The following GRIA1 variants were observed in gnomAD, a reference collection of about 807,000 sequenced individuals.
The protein encoded by GRIA1 is glutamate ionotropic receptor AMPA type subunit 1.
Under a neutral mutation model 99.2 loss-of-function variants are expected in GRIA1, and 31 were observed. That is an observed-to-expected ratio of 0.31 (90% CI 0.23 to 0.42). The LOEUF (loss-of-function observed/expected upper bound fraction) is 0.42. Among genes scored for constraint, GRIA1 ranks in the 10% least tolerant of loss-of-function variants. The pLI is 1.00. For missense variants in GRIA1, 782 were observed against 1,157.5 expected (o/e 0.68, Z 4.71); for synonymous variants, 438 against 432.4 (o/e 1.01, Z -0.16).
At chr5:153,642,420 A>G (rs1205092668) in intron 2 of GRIA1, among the ~76,000 whole-genome samples, 2 of 152,096 alleles carry the variant, frequency 1.3e-5, no homozygotes, top group Non-Finnish European at 2.9e-5. Context: ...TCAGCTCTTA[A>G]TTATTACTAT....
intron 7 of GRIA1, among the ~76,000 whole-genome samples, chr5:153,679,461 A>G (rs937459361): frequency 2.6e-5 from 4 of 152,192 alleles, no homozygotes; most frequent in African/African-American, 4.8e-5. Context: ...GCAAATCCAG[A>G]GTGGGCAGTG....
chr5:153,599,583 A>G (rs1164204189), intron 2 of GRIA1, among the ~76,000 whole-genome samples: 2 of 152,238 alleles, frequency 1.3e-5, no homozygotes, highest in Admixed American at 6.5e-5. Context: ...AATACTATGT[A>G]AATAGCTGCC....
At chr5:153,657,371 A>G (rs1453202055) in intron 5 of GRIA1, among the ~76,000 whole-genome samples, 1 of 152,196 alleles carries the variant, frequency 6.6e-6, no homozygotes, top group African/African-American at 2.4e-5. Context: ...CTATTTCTAC[A>G]GTTTATTATC....
At chr5:153,747,880 A>G (rs760210779) in intron 11 of GRIA1, among the ~76,000 whole-genome samples, 23 of 152,224 alleles carry the variant, frequency 1.5e-4, no homozygotes, top group Middle Eastern at 3.2e-3. Context: ...TGTGGGTCAC[A>G]TCTCTTCTAT....
chr5:153,575,725 C>G (rs1323958307), intron 2 of GRIA1, among the ~76,000 whole-genome samples: 1 of 152,174 alleles, frequency 6.6e-6, no homozygotes, highest in Non-Finnish European at 1.5e-5. Context: ...GATCTGGACC[C>G]AAAGACTTTC....
intron 2 of GRIA1, among the ~76,000 whole-genome samples, chr5:153,554,422 C>T (rs6580023): frequency 6.6e-6 from 1 of 152,038 alleles, no homozygotes. Flanking sequence ...TGACTGTCCA[C>T]GTCCCACTCC....
intron 2 of GRIA1, among the ~76,000 whole-genome samples, chr5:153,506,361 T>TGTGTGTA (rs1755504987): frequency 9.8e-6 from 1 of 101,816 alleles, no homozygotes; most frequent in Non-Finnish European, 2.0e-5. Context: ...GTGTGTGTGT[T>TGTGTGTA]CATACATATA....
In GRIA1 at chr5:153,677,101, T is replaced by C. The variant is rs1467907475; in HGVS notation, c.969T>C (p.Cys323=). Residue 323 remains cysteine, a synonymous_variant, in exon 7 of 16, where the codon TGT becomes TGC. Coordinates refer to ENST00000285900, the MANE Select transcript of GRIA1 (RefSeq NM_000827.4). ...CTCGCCGGGGGAATGCTGGGGATTGTCTGGCTAACCCAGCTGTTCCCTGGG... is the reference window on the plus strand; with the variant it reads ...CTCGCCGGGGGAATGCTGGGGATTGCCTGGCTAACCCAGCTGTTCCCTGGG... ...DISRRGNAGD[C]LANPAVPWGQ... is the part of the protein sequence containing the mutation. 6.3e-7 allele frequency: 1 copy of C among 1,584,382 alleles called. No homozygotes were observed. Among genetic ancestry groups the C allele is most frequent in the Admixed American group, 1.7e-5 (1 of 57,318 alleles).
intron 12 of GRIA1, among the ~76,000 whole-genome samples, chr5:153,768,171 T>A (rs1452079611): frequency 6.6e-6 from 1 of 152,196 alleles, no homozygotes; most frequent in Non-Finnish European, 1.5e-5. Flanking sequence ...GAATATTAAA[T>A]ACATTGGCAG....
At chr5:153,526,327 C>A (rs1006928476) in intron 2 of GRIA1, among the ~76,000 whole-genome samples, 3 of 152,142 alleles carry the variant, frequency 2.0e-5, no homozygotes, top group Non-Finnish European at 4.4e-5. Flanking sequence ...TTTATAACTG[C>A]AGCATATCAG....
chr5:153,680,181 G>A (rs765240184), intron 7 of GRIA1, among the ~76,000 whole-genome samples: 3 of 152,024 alleles, frequency 2.0e-5, no homozygotes, highest in Non-Finnish European at 4.4e-5. Flanking sequence ...AAGAGCTATG[G>A]CCCAGCCCCC....
At chr5:153,733,593 A>G (rs796609348) in intron 11 of GRIA1, among the ~76,000 whole-genome samples, 24 of 152,292 alleles carry the variant, frequency 1.6e-4, no homozygotes, top group African/African-American at 4.8e-4. Context: ...AGCAAGACCC[A>G]ACTACATGCT....
Position 153,490,717 on chromosome 5 carries a change from G to A in GRIA1, c.-172G>A, listed in dbSNP as rs1753833304. The stretch of plus-strand genomic sequence containing the variant: ...TGTTAACGCTGCAGTTTAAGTGTTC[G>A]GATTCCAAGGGAAACAGACAAACCT... On this transcript the variant is annotated 5_prime_UTR_variant, in exon 1 of 16. Transcript: ENST00000285900. The A allele has an allele frequency of 4.3e-6, 3 of 692,140 alleles. No homozygotes were observed. The highest frequency in any genetic ancestry group is 2.1e-5 in the Admixed American group (1 of 47,950). The allele number at this position is 692,140 out of a possible 1,614,324, so 42.9% of individuals were successfully genotyped here.
chr5:153,679,388 A>T (rs566634272), intron 7 of GRIA1, among the ~76,000 whole-genome samples: 2 of 152,254 alleles, frequency 1.3e-5, no homozygotes, highest in Non-Finnish European at 2.9e-5. Context: ...AATGAAAAAG[A>T]TTTTGTTGAA....
chr5:153,706,077 C>A lies in GRIA1; in HGVS notation c.1823+10C>A, dbSNP rs142702117. The A allele has an allele frequency of 6.2e-7, 1 of 1,613,208 alleles. No homozygotes were observed. Among genetic ancestry groups the A allele is most frequent in the South Asian group, 1.1e-5 (1 of 91,008 alleles). On this transcript the variant is annotated intron_variant, in intron 11 of 15. Coordinates refer to ENST00000285900, the MANE Select transcript of GRIA1 (RefSeq NM_000827.4). The stretch of plus-strand genomic sequence containing the variant: ...GTGACATTTCTCCCAGGTCAGTCAG[C>A]TCTTCTCAATCCCTTTGCCTAATGC...
Position 153,698,874 on chromosome 5 carries a change from C to T in GRIA1, c.1253C>T (p.Pro418Leu). Reference sequence around the variant, plus strand: ...TCCCCATTTCTCTTCCAGGAAGATCCTTATGTGATGCTCAAGAAGAACGCC... The same window carrying T: ...TCCCCATTTCTCTTCCAGGAAGATCTTTATGTGATGCTCAAGAAGAACGCC... ...TYIVTTILEDPYVMLKKNANQ... is the reference protein window; with the variant it reads ...TYIVTTILEDLYVMLKKNANQ... The change falls in exon 10 of 16, where the codon CCT (proline) becomes CTT (leucine). Residue 418 changes from proline to leucine, a missense_variant. Coordinates refer to ENST00000285900, the MANE Select transcript of GRIA1 (RefSeq NM_000827.4). The T allele has an allele frequency of 6.2e-7, 1 of 1,609,270 alleles. No homozygotes were observed.
At chr5:153,500,451 T>C (rs1236707658) in intron 2 of GRIA1, among the ~76,000 whole-genome samples, 2 of 152,184 alleles carry the variant, frequency 1.3e-5, no homozygotes, top group African/African-American at 2.4e-5. Context: ...AAATCCATTT[T>C]TCATTACAAG....
In GRIA1 at chr5:153,813,868, T is replaced by C. The variant is rs1766991181; in HGVS notation, c.*2643T>C. The stretch of plus-strand genomic sequence containing the variant: ...GAATATTAAATCACTGTGGATCCAT[T>C]ATCTACTTTTCATATTTGTCCATTC... On this transcript the variant is annotated 3_prime_UTR_variant, in exon 16 of 16. Coordinates refer to ENST00000285900, the MANE Select transcript of GRIA1 (RefSeq NM_000827.4). 6.6e-6 allele frequency: 1 copy of C among 152,196 alleles called. No individual in the cohort carries two copies. Among genetic ancestry groups the C allele is most frequent in the Admixed American group, 6.5e-5 (1 of 15,282 alleles). The allele number at this position is 152,196 out of a possible 1,614,324, so 9.4% of individuals were successfully genotyped here. A position where few individuals can be genotyped will look rare whatever the true frequency, so the allele number is the denominator to read the frequency against.
At chr5:153,505,847 C>T (rs1755436892) in intron 2 of GRIA1, among the ~76,000 whole-genome samples, 1 of 152,180 alleles carries the variant, frequency 6.6e-6, no homozygotes, top group South Asian at 2.1e-4. Context: ...GATGTAGTGA[C>T]ATCACCACTA....
Sources: allele counts gnomAD v4.1 joint callset (sites outside exome capture counted in the v4.1 genomes callset), GRCh38; gene constraint gnomAD v4.1.1; transcripts MANE v1.5; gene names NCBI Gene and HGNC (gene_info 2026-07-23, HGNC 2026-07-21).